Variants in GSTCD observed in about 807,000 individuals in gnomAD.
GSTCD encodes the protein glutathione S-transferase C-terminal domain containing, also known as glutathione S-transferase C-terminal domain-containing protein.
In GSTCD, 44 loss-of-function variants were observed where a neutral mutation model predicts 68.3. The observed-to-expected ratio is 0.64, with a 90% confidence interval of 0.51 to 0.83. The LOEUF is 0.83. Ranked by LOEUF, GSTCD falls within the 40% of genes least tolerant of loss-of-function variation. The pLI is 0.00. For synonymous variants in GSTCD, 273 were observed against 255.2 expected (o/e 1.07, Z -0.67); for missense variants, 739 against 735.9 (o/e 1.00, Z -0.05).
intron 3 of GSTCD, among the ~76,000 whole-genome samples, chr4:105,725,836 A>G (rs1317520039): frequency 1.3e-5 from 2 of 152,132 alleles, no homozygotes; most frequent in Non-Finnish European, 2.9e-5. Flanking sequence ...ACAATGAGAC[A>G]CTACTATATA....
rs562968684 is a variant in GSTCD at position 105,772,459 on chromosome 4, C to G, written c.1240+42960C>G. Among the ~76,000 whole-genome samples, 131 of 152,224 alleles carry G rather than the reference C, an allele frequency of 8.6e-4. 2 individuals carry two copies. Among genetic ancestry groups the G allele is most frequent in the African/African-American group, 2.8e-3 (118 of 41,550 alleles). ...CAGTTTTCAAAGGGAATGCTTCCAG[C>G]TTTTGCCTATTCAGTACTATATTGG... On this transcript the variant is annotated intron_variant, in intron 5 of 11. Coordinates refer to ENST00000515279, the MANE Select transcript of GSTCD (RefSeq NM_001370181.1).
intron 5 of GSTCD, among the ~76,000 whole-genome samples, chr4:105,736,694 C>T (rs1367304788): frequency 6.6e-6 from 1 of 152,080 alleles, no homozygotes; most frequent in Admixed American, 6.6e-5. Context: ...ACATATTTTT[C>T]TTATCTAGCT....
In GSTCD at chr4:105,794,601, A is replaced by T. The variant is rs1014650169; in HGVS notation, c.1241-28353A>T. ...CTCTAAAAAATAAAGTCTATAACAC[A>T]CTCACATGTTTTAATATTTTTGGTG... On this transcript the variant is annotated intron_variant, in intron 5 of 11. Transcript: ENST00000515279. Among the ~76,000 whole-genome samples the T allele has an allele frequency of 7.3e-5, 11 of 151,114 alleles. No individual in the cohort carries two copies. The South Asian group carries it at 8.4e-4, about 11-fold the overall frequency.
chr4:105,774,160 A>G (rs1734961904), intron 5 of GSTCD, among the ~76,000 whole-genome samples: 1 of 152,196 alleles, frequency 6.6e-6, no homozygotes, highest in African/African-American at 2.4e-5. Context: ...CAGTTTTATC[A>G]GAGACTAGGA....
At chr4:105,816,665 C>T (rs1025501969) in intron 5 of GSTCD, among the ~76,000 whole-genome samples, 2 of 152,016 alleles carry the variant, frequency 1.3e-5, no homozygotes, top group African/African-American at 4.8e-5. Context: ...TGCTAGAAAG[C>T]ACCTCATTTC....
chr4:105,727,683 C>A (rs1253940134), intron 4 of GSTCD, among the ~76,000 whole-genome samples: 1 of 149,574 alleles, frequency 6.7e-6, no homozygotes, highest in East Asian at 1.9e-4. Flanking sequence ...AGAGTGAAAC[C>A]CTGTTTCAAA....
chr4:105,831,335 G>A (rs1360202383), intron 8 of GSTCD, among the ~76,000 whole-genome samples: 1 of 152,098 alleles, frequency 6.6e-6, no homozygotes, highest in Admixed American at 6.5e-5. Flanking sequence ...GAGAATTTGA[G>A]GCTACAAGAA....
intron 5 of GSTCD, among the ~76,000 whole-genome samples, chr4:105,745,773 G>A (rs1437083141): frequency 6.6e-6 from 1 of 152,118 alleles, no homozygotes; most frequent in Non-Finnish European, 1.5e-5. Context: ...TCATGTAGGA[G>A]GGAAGATAGT....
chr4:105,805,219 T>C (rs1248185066), intron 5 of GSTCD, among the ~76,000 whole-genome samples: 1 of 152,134 alleles, frequency 6.6e-6, no homozygotes, highest in Non-Finnish European at 1.5e-5. Context: ...GCCAGAAATC[T>C]CTAAGAAAAA....
At position 105,718,050 on chromosome 4, in the gene GSTCD, T is replaced by G; in HGVS notation, c.426+11T>G. On this transcript the variant is annotated intron_variant, in intron 2 of 11. Coordinates refer to ENST00000515279, the MANE Select transcript of GSTCD (RefSeq NM_001370181.1). ...AAAGCCTGTGCTGAAGTAAGTATAA[T>G]GTCTTTTTTCTGTTATTTGAAGCTA... 6.4e-7 allele frequency: 1 copy of G among 1,571,508 alleles called. No homozygotes were observed. The highest frequency in any genetic ancestry group is 8.6e-7 in the Non-Finnish European group (1 of 1,163,108).
At chr4:105,830,741 A>G (rs1221385478) in intron 8 of GSTCD, among the ~76,000 whole-genome samples, 1 of 152,138 alleles carries the variant, frequency 6.6e-6, no homozygotes, top group Non-Finnish European at 1.5e-5. Context: ...ATTGTAGAGC[A>G]TTTTACAGAG....
intron 5 of GSTCD, among the ~76,000 whole-genome samples, chr4:105,743,054 A>T (rs7684442): frequency 0.63 from 94,424 of 150,872 alleles, 34,244 homozygotes; most frequent in East Asian, 0.9. Context: ...GTTTGACGCC[A>T]TTCTCCTGCC....
In GSTCD at chr4:105,719,250, A is replaced by G; in HGVS notation, c.617A>G (p.Asp206Gly). The change falls in exon 3 of 12, where the codon GAT (aspartate) becomes GGT (glycine). Residue 206 changes from aspartate (D) to glycine (G), a missense_variant. Coordinates refer to ENST00000515279, the MANE Select transcript of GSTCD (RefSeq NM_001370181.1). Reference sequence around the variant, plus strand: ...CAGAAGCTCAAGCAACAGAAGGCTGATGGAGTTGGGCCTCCCCTTACTAAG... The same window carrying G: ...CAGAAGCTCAAGCAACAGAAGGCTGGTGGAGTTGGGCCTCCCCTTACTAAG... ...RRQKLKQQKADGVGPPLTKGK... is the reference protein window; with the variant it reads ...RRQKLKQQKAGGVGPPLTKGK... The G allele has an allele frequency of 6.2e-7, 1 of 1,614,102 alleles. No individual in the cohort carries two copies. The highest frequency in any genetic ancestry group is 8.5e-7 in the Non-Finnish European group (1 of 1,179,998).
chr4:105,751,934 C>T (rs1228236420), intron 5 of GSTCD, among the ~76,000 whole-genome samples: 1 of 152,136 alleles, frequency 6.6e-6, no homozygotes, highest in African/African-American at 2.4e-5. Flanking sequence ...ATACTATTAC[C>T]TAAATCCCGT....
At chr4:105,732,243 T>C (rs1287494431) in intron 5 of GSTCD, among the ~76,000 whole-genome samples, 1 of 152,238 alleles carries the variant, frequency 6.6e-6, no homozygotes, top group African/African-American at 2.4e-5. Context: ...TTGCTATTGA[T>C]TGGAATAGTT....
At chr4:105,815,649 T>C (rs1425104715) in intron 5 of GSTCD, among the ~76,000 whole-genome samples, 2 of 152,192 alleles carry the variant, frequency 1.3e-5, no homozygotes, top group African/African-American at 4.8e-5. Context: ...CAGTGGCATT[T>C]AACCTAATTA....
intron 1 of GSTCD, among the ~76,000 whole-genome samples, chr4:105,714,458 G>A (rs1732626289): frequency 6.7e-6 from 1 of 149,186 alleles, no homozygotes; most frequent in South Asian, 2.2e-4. Flanking sequence ...GAAAAAAGAG[G>A]AAGGATTTTT....
At chr4:105,710,777 C>G (rs568684640) in intron 1 of GSTCD, 1 of 152,242 alleles carries the variant, frequency 6.6e-6, no homozygotes, top group East Asian at 1.9e-4. Context: ...ATTATGAGGT[C>G]GGGTTTAGCT....
At chr4:105,789,201 A>G (rs1735573379) in intron 5 of GSTCD, among the ~76,000 whole-genome samples, 1 of 152,198 alleles carries the variant, frequency 6.6e-6, no homozygotes, top group African/African-American at 2.4e-5. Flanking sequence ...GCTCGTTTAA[A>G]CCAAACTCTT....
Sources: allele counts gnomAD v4.1 joint callset (sites outside exome capture counted in the v4.1 genomes callset), GRCh38; gene constraint gnomAD v4.1.1; transcripts MANE v1.5; gene names NCBI Gene and HGNC (gene_info 2026-07-23, HGNC 2026-07-21).